USH2A: variants seen among roughly 807,000 people sequenced by gnomAD.
USH2A encodes the protein Usher syndrome 2A (autosomal recessive, mild).
In USH2A, 443 loss-of-function variants were observed where a neutral mutation model predicts 538.9. The ratio of observed to expected loss-of-function variants is 0.82; its 90% CI spans 0.76 to 0.89. The LOEUF is 0.89. Among genes scored for constraint, USH2A ranks in the 40% least tolerant of loss-of-function variants. The probability of loss-of-function intolerance (pLI) is 0.00; values close to 1 mark genes in which losing one functional copy is unlikely to be tolerated. For synonymous variants in USH2A, 2,413 were observed against 2,273.5 expected (o/e 1.06, Z -1.75); for missense variants, 6,633 against 6,324.8 (o/e 1.05, Z -1.65).
Position 216,073,295 on chromosome 1 carries a change from C to A in USH2A, c.5578G>T (p.Gly1860Cys). Residue 1860 changes from glycine (G) to cysteine (C), a missense_variant, in exon 28 of 72, where the codon GGT (glycine) becomes TGT (cysteine). Gly to Cys is a radical substitution (Grantham distance 159, BLOSUM62 -3). Transcript: ENST00000307340. ...AATTTAACATCCTTCATGCAACCAC[C>A]GAAACCTAGCAAATAGTAAGGGATT... ...YQHLCLEQGF[G>C]GCMKDVKFTR... The A allele has an allele frequency of 2.5e-6, 4 of 1,612,214 alleles. No individual in the cohort carries two copies. The highest frequency in any genetic ancestry group is 3.4e-6 in the Non-Finnish European group (4 of 1,179,694).
At chr1:216,231,257 A>AT (rs1214149619) in intron 14 of USH2A, among the ~76,000 whole-genome samples, 5 of 102,294 alleles carry the variant, frequency 4.9e-5, no homozygotes, top group African/African-American at 1.6e-4. Context: ...TATTATATAT[A>AT]TAATATATAT....
intron 15 of USH2A, among the ~76,000 whole-genome samples, chr1:216,213,815 G>A (rs1047141893): frequency 7.9e-5 from 12 of 151,842 alleles, no homozygotes; most frequent in African/African-American, 2.9e-4. Context: ...CAGAATGAGA[G>A]GACTATTTGC....
At chr1:216,265,342 AT>A (rs1327649860) in intron 11 of USH2A, among the ~76,000 whole-genome samples, 3 of 152,246 alleles carry the variant, frequency 2.0e-5, no homozygotes, top group African/African-American at 4.8e-5. Context: ...ATGACAAAAA[AT>A]AACAAATGCT....
At chr1:216,297,991 T>C (rs1332694172) in intron 9 of USH2A, among the ~76,000 whole-genome samples, 1 of 152,222 alleles carries the variant, frequency 6.6e-6, no homozygotes, top group Non-Finnish European at 1.5e-5. Flanking sequence ...CAATTAGCCA[T>C]GCAATTTACC....
At chr1:216,075,884 A>G (rs775424073) in intron 27 of USH2A, among the ~76,000 whole-genome samples, 4 of 151,728 alleles carry the variant, frequency 2.6e-5, no homozygotes, top group Non-Finnish European at 5.9e-5. Flanking sequence ...TAATATGACC[A>G]CAAAATAGAG....
At chr1:216,039,565 G>A (rs542377823) in intron 32 of USH2A, among the ~76,000 whole-genome samples, 4 of 152,052 alleles carry the variant, frequency 2.6e-5, no homozygotes, top group African/African-American at 7.2e-5. Flanking sequence ...TGTAAGAGGA[G>A]TTATTTCAAT....
chr1:216,215,199 C>A (rs958480849), intron 15 of USH2A, among the ~76,000 whole-genome samples: 1 of 152,012 alleles, frequency 6.6e-6, no homozygotes, highest in East Asian at 1.9e-4. Context: ...TTGCTAGTGG[C>A]CCCTAGAAGA....
intron 41 of USH2A, among the ~76,000 whole-genome samples, chr1:215,888,176 T>C (rs1197374114): frequency 1.3e-5 from 2 of 152,244 alleles, no homozygotes; most frequent in Non-Finnish European, 2.9e-5. Flanking sequence ...CATTGTGGCA[T>C]TCAAAATATT....
In USH2A at chr1:216,228,690, T is replaced by C. The variant is rs564764935; in HGVS notation, c.2993+3263A>G. 2.6e-5 allele frequency among the ~76,000 whole-genome samples: 4 copies of C among 152,284 alleles called. No homozygotes were observed. The South Asian group carries it at 8.3e-4, about 32-fold the overall frequency. On this transcript the variant is annotated intron_variant, in intron 14 of 71. Coordinates refer to ENST00000307340, the MANE Select transcript of USH2A (RefSeq NM_206933.4). ...AAGTCCCGTAAACTTCTTTCTTTTG[T>C]AAATTGCCCAGTCTCAGGTATGTCT...
intron 21 of USH2A, chr1:216,175,031 T>A: frequency 2.9e-6 from 4 of 1,383,802 alleles, no homozygotes; most frequent in Non-Finnish European, 3.7e-6. Context: ...TGCTTCTTCA[T>A]CTTCATCTTT....
At chr1:215,714,709 T>C (rs553698166) in intron 61 of USH2A, among the ~76,000 whole-genome samples, 1 of 152,220 alleles carries the variant, frequency 6.6e-6, no homozygotes, top group East Asian at 1.9e-4. Flanking sequence ...AACGTTTATC[T>C]GGACTTTTCC....
At chr1:216,089,486 A>G (rs896212428) in intron 22 of USH2A, among the ~76,000 whole-genome samples, 11 of 152,110 alleles carry the variant, frequency 7.2e-5, no homozygotes, top group African/African-American at 2.7e-4. Flanking sequence ...GTTTCATGGC[A>G]TAAATATGAA....
chr1:216,321,884 T>C lies in USH2A; in HGVS notation c.1643A>G (p.His548Arg). 2 of 1,613,596 alleles carry C rather than the reference T, an allele frequency of 1.2e-6. No homozygotes were observed. Among genetic ancestry groups the C allele is most frequent in the Non-Finnish European group, 1.7e-6 (2 of 1,179,608 alleles). The change falls in exon 9 of 72, where the codon CAT (histidine) becomes CGT (arginine). Residue 548 changes from histidine (H) to arginine (R), a missense_variant and splice_region_variant. Coordinates refer to ENST00000307340, the MANE Select transcript of USH2A (RefSeq NM_206933.4). ...TTCCATGCATAAAATAGAACTCACA[T>C]GAAGTCCTTCAGTGAAGCTCTCCTG... ...CSQESFTEGL[H>R]CDRCLPLYND...
At chr1:215,931,327 G>A (rs959099176) in intron 38 of USH2A, among the ~76,000 whole-genome samples, 24 of 151,940 alleles carry the variant, frequency 1.6e-4, no homozygotes, top group Non-Finnish European at 1.0e-4. Context: ...ATTAAGAGAT[G>A]ATGTATCCTG....
chr1:215,629,005 C>T lies in USH2A; in HGVS notation c.15328G>A (p.Gly5110Arg). 6.2e-7 allele frequency: 1 copy of T among 1,613,422 alleles called. No homozygotes were observed. The highest frequency in any genetic ancestry group is 8.5e-7 in the Non-Finnish European group (1 of 1,180,008). ...TTGCTGCGGATACTCACAGGTGTCCCAGACCGGGGAATTTTGGTATCGGCT... is the reference window on the plus strand; with the variant it reads ...TTGCTGCGGATACTCACAGGTGTCCTAGACCGGGGAATTTTGGTATCGGCT... ...GLADTKIPRS[G>R]TPVSIRSNRS... Residue 5110 changes from glycine to arginine, a missense_variant, in exon 71 of 72, where the codon GGG (glycine) becomes AGG (arginine). Coordinates refer to ENST00000307340, the MANE Select transcript of USH2A (RefSeq NM_206933.4).
At chr1:216,370,970 A>G (rs913932090) in intron 3 of USH2A, among the ~76,000 whole-genome samples, 1 of 152,020 alleles carries the variant, frequency 6.6e-6, no homozygotes, top group African/African-American at 2.4e-5. Context: ...TCCCTATATC[A>G]TCCCACTGCC....
chr1:216,187,396 C>A (rs766786800), intron 20 of USH2A, among the ~76,000 whole-genome samples: 3 of 151,872 alleles, frequency 2.0e-5, no homozygotes, highest in Non-Finnish European at 4.4e-5. Context: ...AGTAATAATA[C>A]ATTTATGGCA....
intron 3 of USH2A, among the ~76,000 whole-genome samples, chr1:216,374,374 G>A (rs2038777910): frequency 6.6e-6 from 1 of 150,872 alleles, no homozygotes; most frequent in Non-Finnish European, 1.5e-5. Context: ...TTTGTAGATT[G>A]CCTCTCAATT....
intron 47 of USH2A, among the ~76,000 whole-genome samples, chr1:215,819,277 CT>C (rs1208039009): frequency 6.6e-6 from 1 of 151,622 alleles, no homozygotes; most frequent in African/African-American, 2.4e-5. Flanking sequence ...TAAAATATGT[CT>C]TTGCAGGCCA....
Sources: allele counts gnomAD v4.1 joint callset (sites outside exome capture counted in the v4.1 genomes callset), GRCh38; gene constraint gnomAD v4.1.1; transcripts MANE v1.5; gene names NCBI Gene and HGNC (gene_info 2026-07-23, HGNC 2026-07-21).